Variants in GALNTL6 observed in about 807,000 individuals in gnomAD.
GALNTL6 encodes polypeptide N-acetylgalactosaminyltransferase-like 6.
A neutral mutation model predicts 73.7 loss-of-function variants in GALNTL6; 46 were observed. That is an observed-to-expected ratio of 0.62 (90% CI 0.49 to 0.80). The LOEUF (loss-of-function observed/expected upper bound fraction) is 0.80. Ranked by LOEUF, GALNTL6 falls within the 30% of genes least tolerant of loss-of-function variation. The pLI, the probability that GALNTL6 is intolerant of heterozygous loss-of-function variation, is 0.00. For synonymous variants in GALNTL6, 259 were observed against 263.7 expected, an observed-to-expected ratio of 0.98 and a Z score of 0.17; for missense variants, 604 against 755.0, an observed-to-expected ratio of 0.80 and a Z score of 2.34.
rs111823091 is a variant in GALNTL6 at position 172,183,282 on chromosome 4, C to T, written c.139-46374C>T. On this transcript the variant is annotated intron_variant, in intron 2 of 12. Transcript: ENST00000506823. ...CATAAAAAACGATGAATAACATTAC[C>T]GTTCCATTATATCTCCATCTTTTTT... Among the ~76,000 whole-genome samples the T allele has an allele frequency of 2.9e-3, 446 of 152,160 alleles. 2 individuals are homozygous for T. The highest frequency in any genetic ancestry group is 9.7e-3 in the African/African-American group (401 of 41,516).
At chr4:172,264,553 CAAATAT>C (rs1348954975) in intron 3 of GALNTL6, among the ~76,000 whole-genome samples, 4 of 25,816 alleles carry the variant, frequency 1.5e-4, no homozygotes, top group African/African-American at 5.0e-4. Context: ...TAATATATGC[CAAATAT>C]ATATATATAT....
intron 2 of GALNTL6, among the ~76,000 whole-genome samples, chr4:171,931,482 T>C (rs2110997492): frequency 6.6e-6 from 1 of 152,350 alleles, no homozygotes; most frequent in Admixed American, 6.5e-5. Flanking sequence ...TGTATTTATA[T>C]GTGAAATTAC....
At chr4:172,092,976 C>T (rs1050721962) in intron 2 of GALNTL6, among the ~76,000 whole-genome samples, 6 of 150,056 alleles carry the variant, frequency 4.0e-5, no homozygotes, top group Admixed American at 6.7e-5. Flanking sequence ...CAGGTTCAAA[C>T]GATTCTCCTG....
intron 5 of GALNTL6, among the ~76,000 whole-genome samples, chr4:172,368,894 G>A (rs568379053): frequency 3.3e-5 from 5 of 152,294 alleles, no homozygotes; most frequent in East Asian, 3.9e-4. Flanking sequence ...TCGTGGTCTC[G>A]CTGGCTTCAG....
intron 5 of GALNTL6, among the ~76,000 whole-genome samples, chr4:172,654,470 G>T (rs193109771): frequency 6.6e-6 from 1 of 152,242 alleles, no homozygotes; most frequent in African/African-American, 2.4e-5. Flanking sequence ...TATCTTACTA[G>T]AGTATTTTTT....
intron 2 of GALNTL6, among the ~76,000 whole-genome samples, chr4:171,942,243 T>TAAATAAATAAATAAAA (rs1226877153): frequency 6.9e-6 from 1 of 144,732 alleles, no homozygotes; most frequent in African/African-American, 2.6e-5. Context: ...AATAAATAGA[T>TAAATAAATAAATAAAA]AAATAAATAA....
chr4:172,816,219 G>A (rs535167078), intron 7 of GALNTL6, among the ~76,000 whole-genome samples: 4 of 152,166 alleles, frequency 2.6e-5, no homozygotes, highest in Non-Finnish European at 4.4e-5. Context: ...ATGTGCAAAC[G>A]TATCTCAAAC....
chr4:172,767,410 T>G (rs540028309), intron 5 of GALNTL6, among the ~76,000 whole-genome samples: 12 of 152,180 alleles, frequency 7.9e-5, no homozygotes, highest in Non-Finnish European at 1.5e-4. Context: ...TTCAGAACTT[T>G]ACTGTATTGC....
intron 5 of GALNTL6, among the ~76,000 whole-genome samples, chr4:172,673,664 A>C (rs1732119495): frequency 1.3e-5 from 2 of 152,054 alleles, no homozygotes; most frequent in Non-Finnish European, 2.9e-5. Context: ...CCTCTATTGG[A>C]TGCATATATA....
chr4:172,943,929 T>A (rs1029973294), intron 9 of GALNTL6, among the ~76,000 whole-genome samples: 1 of 152,320 alleles, frequency 6.6e-6, no homozygotes. Context: ...AACAATTAGA[T>A]GTTCATATCC....
chr4:172,322,723 C>T (rs1031161963), intron 4 of GALNTL6, among the ~76,000 whole-genome samples: 3 of 151,954 alleles, frequency 2.0e-5, no homozygotes, highest in Admixed American at 6.6e-5. Flanking sequence ...GGTGCTAAAC[C>T]ATTAAAAACC....
intron 5 of GALNTL6, among the ~76,000 whole-genome samples, chr4:172,759,213 G>T (rs183828072): frequency 8.5e-5 from 13 of 152,294 alleles, no homozygotes; most frequent in African/African-American, 3.1e-4. Flanking sequence ...CTCAGAAATT[G>T]CATCTGTGCA....
At chr4:172,842,745 A>T (rs1438139039) in intron 7 of GALNTL6, among the ~76,000 whole-genome samples, 1 of 151,484 alleles carries the variant, frequency 6.6e-6, no homozygotes, top group Non-Finnish European at 1.5e-5. Context: ...AGGGTTTCTC[A>T]TATGTCATTT....
At chr4:172,683,115 G>A (rs1732720134) in intron 5 of GALNTL6, among the ~76,000 whole-genome samples, 1 of 152,156 alleles carries the variant, frequency 6.6e-6, no homozygotes. Context: ...CAATTTGGGA[G>A]TTTGTTGAGA....
intron 5 of GALNTL6, among the ~76,000 whole-genome samples, chr4:172,652,139 C>G (rs1469195726): frequency 6.6e-6 from 1 of 152,128 alleles, no homozygotes; most frequent in Non-Finnish European, 1.5e-5. Flanking sequence ...GTTTAAGGAG[C>G]TAAGAATGGG....
intron 7 of GALNTL6, among the ~76,000 whole-genome samples, chr4:172,830,727 A>G (rs1742579375): frequency 6.6e-6 from 1 of 152,206 alleles, no homozygotes; most frequent in South Asian, 2.1e-4. Flanking sequence ...CTGAACTCCC[A>G]TGAAGGGAGT....
At chr4:172,098,962 G>A (rs1320684060) in intron 2 of GALNTL6, among the ~76,000 whole-genome samples, 1 of 152,094 alleles carries the variant, frequency 6.6e-6, no homozygotes, top group East Asian at 1.9e-4. Context: ...AATAGAGAAT[G>A]TTATGACAGG....
intron 2 of GALNTL6, among the ~76,000 whole-genome samples, chr4:171,991,478 A>G (rs1019806131): frequency 6.6e-6 from 1 of 151,948 alleles, no homozygotes; most frequent in Non-Finnish European, 1.5e-5. Context: ...AGAGAAACCT[A>G]AAAAACAGAA....
At chr4:172,790,717 T>C (rs559392065) in intron 5 of GALNTL6, among the ~76,000 whole-genome samples, 1 of 151,770 alleles carries the variant, frequency 6.6e-6, no homozygotes, top group African/African-American at 2.4e-5. Flanking sequence ...ATGGTGAAAC[T>C]GCGTCTCTAC....
Sources: allele counts gnomAD v4.1 joint callset (sites outside exome capture counted in the v4.1 genomes callset), GRCh38; gene constraint gnomAD v4.1.1; transcripts MANE v1.5; gene names NCBI Gene and HGNC (gene_info 2026-07-23, HGNC 2026-07-21).